Variants in PPP1R13B observed in about 807,000 individuals in gnomAD.
The protein encoded by PPP1R13B is apoptosis-stimulating of p53 protein 1.
A neutral mutation model predicts 119.8 loss-of-function variants in PPP1R13B; 44 were observed. The observed-to-expected ratio is 0.37, with a 90% CI of 0.29 to 0.47. The LOEUF (loss-of-function observed/expected upper bound fraction) is 0.47, where lower values mean the gene tolerates loss of function less well. Ranked by LOEUF, PPP1R13B falls within the 20% of genes least tolerant of loss-of-function variation. The pLI is 0.99. For missense variants in PPP1R13B, 1,227 were observed against 1,413.5 expected (o/e 0.87, Z 2.12); for synonymous variants, 542 against 561.5 (o/e 0.97, Z 0.49).
rs1343394386 is a variant in PPP1R13B at position 103,753,016 on chromosome 14, A to G, written c.812T>C (p.Leu271Pro). ...AGGAGTTACCTGTAGTTCTTGGTAC[A>G]GTCTTTTTAACTCCACCGCCGCTGG... is the stretch of plus-strand genomic sequence containing the variant. ...TGPAAVELKRLYQELQIRNQL... is the reference protein window; with the variant it reads ...TGPAAVELKRPYQELQIRNQL... Residue 271 changes from leucine (L) to proline (P), a missense_variant, in exon 7 of 17, where the codon CTG (leucine) becomes CCG (proline). Coordinates refer to ENST00000202556, the MANE Select transcript of PPP1R13B (RefSeq NM_015316.3). The G allele has an allele frequency of 6.2e-7, 1 of 1,614,130 alleles. No homozygotes were observed. The highest frequency in any genetic ancestry group is 8.5e-7 in the Non-Finnish European group (1 of 1,179,994).
chr14:103,847,641 C>A (rs2087092800), upstream of PPP1R13B: 3 of 983,968 alleles, frequency 3.0e-6, no homozygotes, highest in Non-Finnish European at 3.6e-6. Context: ...ACGCCCCGCA[C>A]GGGTCCCGTA....
chr14:103,751,150 G>A (rs1438154905), intron 7 of PPP1R13B, among the ~76,000 whole-genome samples: 1 of 152,070 alleles, frequency 6.6e-6, no homozygotes, highest in Non-Finnish European at 1.5e-5. Context: ...TCAAAAAAAA[G>A]AAAAACAAAA....
chr14:103,760,977 C>T (rs1008065914), intron 4 of PPP1R13B, among the ~76,000 whole-genome samples: 2 of 152,120 alleles, frequency 1.3e-5, no homozygotes, highest in Admixed American at 6.6e-5. Flanking sequence ...AGTAATAAGG[C>T]TAGTCTTACA....
At chr14:103,768,208 G>A (rs1033282819) in intron 4 of PPP1R13B, among the ~76,000 whole-genome samples, 3 of 148,116 alleles carry the variant, frequency 2.0e-5, no homozygotes, top group Admixed American at 6.8e-5. Context: ...TCCGCCCCCC[G>A]GGGTTCAAGT....
At chr14:103,776,194 A>AGGGGGGG (rs2085188912) in intron 4 of PPP1R13B, among the ~76,000 whole-genome samples, 1 of 65,790 alleles carries the variant, frequency 1.5e-5, no homozygotes, top group Non-Finnish European at 2.7e-5. Flanking sequence ...GGGAGGAAGG[A>AGGGGGGG]AGGAAGGAAG....
At chr14:103,845,912 G>T (rs1393479174) in intron 1 of PPP1R13B, among the ~76,000 whole-genome samples, 4 of 152,156 alleles carry the variant, frequency 2.6e-5, no homozygotes, top group African/African-American at 9.7e-5. Flanking sequence ...ATATTTGTAT[G>T]ACATTCTGTT....
rs2084173810 is a variant in PPP1R13B at position 103,738,725 on chromosome 14, G to A, written c.2818C>T (p.Leu940=). 1.2e-6 allele frequency: 2 copies of A among 1,614,266 alleles called. No homozygotes were observed. Among genetic ancestry groups the A allele is most frequent in the Non-Finnish European group, 1.7e-6 (2 of 1,180,056 alleles). ...TTCACGTTGACACCAAAATCCAGCAGGAACTTCACGATGTGATGGTGGCCG... is the reference window on the plus strand; with the variant it reads ...TTCACGTTGACACCAAAATCCAGCAAGAACTTCACGATGTGATGGTGGCCG... ...CAGHHHIVKF[L]LDFGVNVNAA... is the part of the protein sequence containing the mutation. Residue 940 remains leucine (L), a synonymous_variant, in exon 14 of 17, where the codon CTG becomes TTG. Coordinates refer to ENST00000202556, the MANE Select transcript of PPP1R13B (RefSeq NM_015316.3). This position sits in a 1 kb window ranked among gnomAD's most constrained non-coding sequence, Gnocchi z 5.6.
In PPP1R13B at chr14:103,776,186, G is replaced by GAGGAAGGAAGGA. The variant is rs1307197386; in HGVS notation, c.354+2547_354+2558dup. 9.0e-3 allele frequency among the ~76,000 whole-genome samples: 685 copies of GAGGAAGGAAGGA among 75,916 alleles called. 23 individuals carry two copies. The highest frequency in any genetic ancestry group is 0.012 in the Non-Finnish European group (501 of 42,892). 49.8% of individuals were successfully genotyped at this position (75,916 alleles called of 152,430 possible). ...GAAGGGAAGGAGGGAGGGAGGGAGG[G>GAGGAAGGAAGGA]AGGAAGGAAGGAAGGAAGGAAGGAA... On this transcript the variant is annotated intron_variant, in intron 4 of 16. Transcript: ENST00000202556.
chr14:103,805,881 G>C (rs975711822), intron 1 of PPP1R13B, among the ~76,000 whole-genome samples: 2 of 152,156 alleles, frequency 1.3e-5, no homozygotes, highest in Non-Finnish European at 2.9e-5. Context: ...TGGGAATGAG[G>C]AGTGATGGCA....
Position 103,740,058 on chromosome 14 carries a change from G to C in PPP1R13B, c.2358C>G (p.Ala786=). ...CATTATCATTGGCATCTGATGACGG[G>C]GCAGGCTCAGCGGGGAGTGGGGCTG... The part of the protein sequence containing the change: ...QPTAPLPAEP[A]PSSDANDNEL... Residue 786 remains alanine, a synonymous_variant, in exon 12 of 17, where the codon GCC becomes GCG. Coordinates refer to ENST00000202556, the MANE Select transcript of PPP1R13B (RefSeq NM_015316.3). This position sits in a 1 kb window ranked among gnomAD's most constrained non-coding sequence, Gnocchi z 4.6. 1 of 1,614,074 alleles carries C rather than the reference G, an allele frequency of 6.2e-7. No individual in the cohort carries two copies. Among genetic ancestry groups the C allele is most frequent in the Non-Finnish European group, 8.5e-7 (1 of 1,180,008 alleles).
At chr14:103,756,827 C>T (rs369173756) in intron 5 of PPP1R13B, among the ~76,000 whole-genome samples, 6 of 152,110 alleles carry the variant, frequency 3.9e-5, no homozygotes, top group Non-Finnish European at 8.8e-5. Context: ...GGCACAATCT[C>T]GGCTCACTGC....
intron 2 of PPP1R13B, among the ~76,000 whole-genome samples, chr14:103,786,999 T>C (rs35505672): frequency 0.44 from 66,848 of 150,804 alleles, 15,215 homozygotes; most frequent in African/African-American, 0.55. Flanking sequence ...TGAGCCACCA[T>C]GCCTGGCCTA....
chr14:103,742,230 C>T lies in PPP1R13B; in HGVS notation c.1382G>A (p.Ser461Asn). The T allele has an allele frequency of 6.3e-7, 1 of 1,593,054 alleles. No homozygotes were observed. The highest frequency in any genetic ancestry group is 8.5e-7 in the Non-Finnish European group (1 of 1,175,236). Residue 461 changes from serine to asparagine, a missense_variant, in exon 11 of 17, where the codon AGC (serine) becomes AAC (asparagine). Ser to Asn is a conservative substitution (Grantham distance 46). Coordinates refer to ENST00000202556, the MANE Select transcript of PPP1R13B (RefSeq NM_015316.3). This position sits in a 1 kb window ranked among gnomAD's most constrained non-coding sequence, Gnocchi z 4.9. The stretch of plus-strand genomic sequence containing the variant: ...TGTAGGACTTGGGTATGTCCCATAG[C>T]TTGGAGGCAGCTGCTTGCCTACACC... The part of the protein sequence containing the change: ...IPGVGKQLPP[S>N]YGTYPSPTPL...
intron 2 of PPP1R13B, among the ~76,000 whole-genome samples, chr14:103,790,077 C>T (rs757451991): frequency 6.6e-6 from 1 of 151,606 alleles, no homozygotes; most frequent in Non-Finnish European, 1.5e-5. Context: ...AAAACCCTGT[C>T]TCTACTAAAA....
intron 4 of PPP1R13B, chr14:103,764,572 CCT>C (rs2084893438): frequency 5.1e-6 from 1 of 197,446 alleles, no homozygotes; most frequent in Non-Finnish European, 1.1e-5. Flanking sequence ...ATAAAATTAC[CCT>C]GTTAAGTTGA....
At chr14:103,814,332 G>C (rs1288308943) in intron 1 of PPP1R13B, among the ~76,000 whole-genome samples, 1 of 152,122 alleles carries the variant, frequency 6.6e-6, no homozygotes, top group Non-Finnish European at 1.5e-5. Context: ...CTGGGCGACA[G>C]AGCAAGACTC....
rs201852346 is a variant in PPP1R13B at position 103,739,015 on chromosome 14, C to T, written c.2601G>A (p.Arg867=). Residue 867 remains arginine (R), a synonymous_variant, in exon 13 of 17, where the codon CGG becomes CGA. Transcript: ENST00000202556. ...SHPPATSTNK[R]TNLKKPNSER... is the part of the protein sequence containing the mutation. ...CCGAGTTGGGCTTCTTCAAGTTGGT[C>T]CGCTTGTTCTGTTGGGAAGGAAGCA... 2 of 1,613,204 alleles carry T rather than the reference C, an allele frequency of 1.2e-6. No individual in the cohort carries two copies. Among genetic ancestry groups the T allele is most frequent in the African/African-American group, 2.7e-5 (2 of 74,926 alleles).
chr14:103,784,888 T>C lies in PPP1R13B; in HGVS notation c.184A>G (p.Met62Val), dbSNP rs764576570. Reference sequence around the variant, plus strand: ...CCCCATTTCTGAAGATGTTCGTACATCATATGATCAAAGGGTATGGGACGT... The same window carrying C: ...CCCCATTTCTGAAGATGTTCGTACACCATATGATCAAAGGGTATGGGACGT... ...NERPIPFDHMMYEHLQKWGPR... is the reference protein window; with the variant it reads ...NERPIPFDHMVYEHLQKWGPR... Residue 62 changes from methionine (M) to valine (V), a missense_variant, in exon 3 of 17, where the codon ATG (methionine) becomes GTG (valine). Transcript: ENST00000202556. 1.9e-6 allele frequency: 3 copies of C among 1,603,894 alleles called. No homozygotes were observed.
chr14:103,848,497 C>T (rs1443177161), upstream of PPP1R13B: 14 of 985,324 alleles, frequency 1.4e-5, no homozygotes, highest in South Asian at 4.7e-5. Context: ...TGCCATTCGC[C>T]CGGACCGCGG....
Sources: allele counts gnomAD v4.1 joint callset (sites outside exome capture counted in the v4.1 genomes callset), GRCh38; gene constraint gnomAD v4.1.1; non-coding constraint Gnocchi (gnomAD v3.1); transcripts MANE v1.5; gene names NCBI Gene and HGNC (gene_info 2026-07-23, HGNC 2026-07-21).